The following CDH13 variants were observed in gnomAD, a reference collection of about 807,000 sequenced individuals.
CDH13 encodes cadherin-13.
A neutral mutation model predicts 63.8 loss-of-function variants in CDH13; 24 were observed. The observed-to-expected ratio is 0.38, with a 90% CI of 0.27 to 0.53. CDH13 has a LOEUF of 0.53. Ranked by LOEUF, CDH13 falls within the 20% of genes least tolerant of loss-of-function variation. CDH13 has a pLI of 0.85. For missense variants in CDH13, 1,049 were observed against 903.1 expected (o/e 1.16, Z -2.07); for synonymous variants, 503 against 355.3 (o/e 1.42, Z -4.67).
chr16:82,950,059 A>G (rs1332895744), intron 2 of CDH13, among the ~76,000 whole-genome samples: 7 of 152,156 alleles, frequency 4.6e-5, no homozygotes, highest in South Asian at 2.1e-4. Flanking sequence ...TAGGGCTCCT[A>G]TAACAAAGTG....
intron 8 of CDH13, among the ~76,000 whole-genome samples, chr16:83,669,373 C>T (rs938775394): frequency 6.6e-6 from 1 of 152,098 alleles, no homozygotes; most frequent in East Asian, 1.9e-4. Flanking sequence ...GGCTGAGAAC[C>T]GTTAGTATAG....
chr16:82,645,918 A>G (rs1053417849), intron 1 of CDH13, among the ~76,000 whole-genome samples: 5 of 152,270 alleles, frequency 3.3e-5, no homozygotes, highest in Admixed American at 6.5e-5. Context: ...TTGCTGAGTT[A>G]GATAAAAAGT....
chr16:82,664,304 T>C (rs1292702050), intron 1 of CDH13, among the ~76,000 whole-genome samples: 4 of 152,250 alleles, frequency 2.6e-5, no homozygotes, highest in African/African-American at 7.2e-5. Flanking sequence ...GACAAAAGCA[T>C]CCTGCTTCAC....
At chr16:83,449,315 A>T (rs972171997) in intron 6 of CDH13, among the ~76,000 whole-genome samples, 4 of 152,154 alleles carry the variant, frequency 2.6e-5, no homozygotes, top group Non-Finnish European at 5.9e-5. Flanking sequence ...CATGGTAAAG[A>T]TCTCATGGTA....
chr16:83,255,006 T>G, intron 5 of CDH13, among the ~76,000 whole-genome samples: 1 of 55,352 alleles, frequency 1.8e-5, no homozygotes, highest in Non-Finnish European at 5.0e-5. Flanking sequence ...TTTCTTTCTT[T>G]CTTTCTTTTT....
At chr16:83,599,801 G>A (rs1907607946) in intron 7 of CDH13, among the ~76,000 whole-genome samples, 1 of 152,048 alleles carries the variant, frequency 6.6e-6, no homozygotes, top group African/African-American at 2.4e-5. Flanking sequence ...CAGTAATTGT[G>A]TGCTTTCAAA....
chr16:83,755,329 G>A (rs1232788814), intron 11 of CDH13, among the ~76,000 whole-genome samples: 1 of 152,174 alleles, frequency 6.6e-6, no homozygotes, highest in Non-Finnish European at 1.5e-5. Context: ...AAAGACTAGT[G>A]TGTGGAATTG....
chr16:82,628,177 G>T (rs756235348), intron 1 of CDH13, among the ~76,000 whole-genome samples: 1 of 152,194 alleles, frequency 6.6e-6, no homozygotes, highest in Non-Finnish European at 1.5e-5. Context: ...AGAGCACCCC[G>T]ATCCAGTCCC....
chr16:82,959,688 C>G (rs527905673), intron 2 of CDH13, among the ~76,000 whole-genome samples: 1 of 152,280 alleles, frequency 6.6e-6, no homozygotes, highest in East Asian at 1.9e-4. Flanking sequence ...ATTAACAACC[C>G]AAATTCCACC....
chr16:83,430,990 C>A (rs191242118), intron 6 of CDH13, among the ~76,000 whole-genome samples: 1 of 146,370 alleles, frequency 6.8e-6, no homozygotes, highest in African/African-American at 2.5e-5. Flanking sequence ...ACAACAGTCC[C>A]CAAAGTGTGA....
intron 2 of CDH13, among the ~76,000 whole-genome samples, chr16:83,009,328 C>G (rs1226506511): frequency 6.6e-6 from 1 of 152,186 alleles, no homozygotes. Flanking sequence ...AGAGGTGTCT[C>G]TTTCATTTGT....
At chr16:82,770,269 T>G (rs1190110049) in intron 1 of CDH13, among the ~76,000 whole-genome samples, 2 of 152,252 alleles carry the variant, frequency 1.3e-5, no homozygotes, top group African/African-American at 2.4e-5. Flanking sequence ...TGTGTTTTTG[T>G]GCACATTGCA....
Position 83,047,954 on chromosome 16 carries a change from A to AT in CDH13, c.366+15741dup, listed in dbSNP as rs1917954998. 6.6e-6 allele frequency among the ~76,000 whole-genome samples: 1 copy of AT among 152,158 alleles called. No homozygotes were observed. Among genetic ancestry groups the AT allele is most frequent in the African/African-American group, 2.4e-5 (1 of 41,444 alleles). ...TACATCTAGAATATTTTGGAGACATATTTTTGCACTCAGACTCCTCAAAAA... is the reference window on the plus strand; with the variant it reads ...TACATCTAGAATATTTTGGAGACATATTTTTTGCACTCAGACTCCTCAAAAA... On this transcript the variant is annotated intron_variant, in intron 3 of 13. Coordinates refer to ENST00000567109, the MANE Select transcript of CDH13 (RefSeq NM_001257.5). The surrounding 1 kb of genome is among the most constrained non-coding windows in gnomAD (Gnocchi z 4.9).
At chr16:83,273,172 A>G (rs977791045) in intron 5 of CDH13, among the ~76,000 whole-genome samples, 1 of 151,142 alleles carries the variant, frequency 6.6e-6, no homozygotes. Context: ...AATAATATCA[A>G]TTTTTTTTTC....
intron 1 of CDH13, among the ~76,000 whole-genome samples, chr16:82,816,056 G>T: frequency 6.6e-6 from 1 of 152,114 alleles, no homozygotes; most frequent in Non-Finnish European, 1.5e-5. Context: ...TCAGAAACAG[G>T]CTCAATTTTG....
At chr16:83,323,491 G>A (rs764064887) in intron 5 of CDH13, among the ~76,000 whole-genome samples, 1 of 151,418 alleles carries the variant, frequency 6.6e-6, no homozygotes, top group Non-Finnish European at 1.5e-5. Flanking sequence ...ATGTTTGCCA[G>A]GCTGCTCTCA....
chr16:83,795,108 T>G lies in CDH13; in HGVS notation c.*78T>G. ...AAAAAAATCTATCCAAATCTGAAGA[T>G]TGCGGTTTACAGCTATCGAACTTCA... is the stretch of plus-strand genomic sequence containing the variant. On this transcript the variant is annotated 3_prime_UTR_variant, in exon 14 of 14. Coordinates refer to ENST00000567109, the MANE Select transcript of CDH13 (RefSeq NM_001257.5). 1 of 1,337,734 alleles carries G rather than the reference T, an allele frequency of 7.5e-7. No individual in the cohort carries two copies. Among genetic ancestry groups the G allele is most frequent in the Non-Finnish European group, 1.0e-6 (1 of 967,614 alleles). The allele number at this position is 1,337,734 out of a possible 1,614,324, so 82.9% of individuals were successfully genotyped here.
chr16:83,317,573 G>C (rs982609363), intron 5 of CDH13, among the ~76,000 whole-genome samples: 1 of 152,104 alleles, frequency 6.6e-6, no homozygotes, highest in Admixed American at 6.5e-5. Flanking sequence ...GGCCAAGGCA[G>C]GTGGATCACC....
chr16:82,896,348 G>A (rs551918328), intron 2 of CDH13, among the ~76,000 whole-genome samples: 38 of 141,628 alleles, frequency 2.7e-4, no homozygotes, highest in Non-Finnish European at 4.9e-4. Flanking sequence ...CTGGAGTGCA[G>A]TGGCGCTATC....
Sources: allele counts gnomAD v4.1 joint callset (sites outside exome capture counted in the v4.1 genomes callset), GRCh38; gene constraint gnomAD v4.1.1; non-coding constraint Gnocchi (gnomAD v3.1); transcripts MANE v1.5; gene names NCBI Gene and HGNC (gene_info 2026-07-23, HGNC 2026-07-21).